ZNF704: variants seen among roughly 807,000 people sequenced by gnomAD.
ZNF704 encodes glucocorticoid induced gene 1.
Under a neutral mutation model 44.7 loss-of-function variants are expected in ZNF704, and 10 were observed. The observed-to-expected ratio is 0.22, with a 90% CI of 0.14 to 0.38. The LOEUF is 0.38. ZNF704 is among the 10% of genes least tolerant of loss of function. ZNF704 has a pLI of 1.00. For synonymous variants in ZNF704, 211 were observed against 207.6 expected (o/e 1.02, Z -0.14); for missense variants, 390 against 545.5 (o/e 0.71, Z 2.84).
At chr8:80,832,010 T>C (rs554344795) in intron 1 of ZNF704, among the ~76,000 whole-genome samples, 8 of 152,372 alleles carry the variant, frequency 5.3e-5, no homozygotes, top group African/African-American at 1.4e-4. Context: ...GCTCTTCATA[T>C]AGTGTATCAC....
intron 1 of ZNF704, among the ~76,000 whole-genome samples, chr8:80,867,625 T>C (rs1809178323): frequency 6.6e-6 from 1 of 152,204 alleles, no homozygotes; most frequent in Non-Finnish European, 1.5e-5. Context: ...CAACTTTGTC[T>C]GGTATCTTAA....
chr8:80,791,753 G>A (rs180840786), intron 2 of ZNF704, among the ~76,000 whole-genome samples: 92 of 152,326 alleles, frequency 6.0e-4, no homozygotes, highest in African/African-American at 2.1e-3. Context: ...AGGGAGCAGG[G>A]AACAGCAAGG....
At chr8:80,725,317 C>A (rs1161965159) in intron 2 of ZNF704, among the ~76,000 whole-genome samples, 1 of 151,986 alleles carries the variant, frequency 6.6e-6, no homozygotes, top group East Asian at 1.9e-4. Flanking sequence ...AAATAACAAA[C>A]AAAATTTTTG....
intron 2 of ZNF704, among the ~76,000 whole-genome samples, chr8:80,787,339 C>T (rs916651519): frequency 6.6e-6 from 1 of 152,172 alleles, no homozygotes; most frequent in Non-Finnish European, 1.5e-5. Flanking sequence ...TGCACACACA[C>T]TCACCTTAAA....
intron 2 of ZNF704, among the ~76,000 whole-genome samples, chr8:80,703,415 A>T (rs1818843780): frequency 1.3e-5 from 2 of 152,130 alleles, no homozygotes; most frequent in South Asian, 4.1e-4. Flanking sequence ...TGCGAAGATC[A>T]GGGCTTAGTC....
chr8:80,642,352 C>T (rs534501179), intron 8 of ZNF704, among the ~76,000 whole-genome samples: 4 of 152,178 alleles, frequency 2.6e-5, no homozygotes, highest in African/African-American at 9.7e-5. Context: ...GAATTCTAGC[C>T]TCACCACTCT....
chr8:80,764,193 T>G (rs977227683), intron 2 of ZNF704, among the ~76,000 whole-genome samples: 2 of 152,222 alleles, frequency 1.3e-5, no homozygotes, highest in African/African-American at 4.8e-5. Context: ...ATTTATTGTA[T>G]TGGTAAATAC....
At chr8:80,733,165 A>G (rs1330876369) in intron 2 of ZNF704, among the ~76,000 whole-genome samples, 1 of 152,130 alleles carries the variant, frequency 6.6e-6, no homozygotes, top group Non-Finnish European at 1.5e-5. Context: ...TTATTTTGGT[A>G]GTTTCAAGCT....
At chr8:80,744,962 C>T (rs1030496130) in intron 2 of ZNF704, among the ~76,000 whole-genome samples, 1 of 152,092 alleles carries the variant, frequency 6.6e-6, no homozygotes, top group African/African-American at 2.4e-5. Flanking sequence ...AGAAATGACA[C>T]TTGTATGCAT....
intron 7 of ZNF704, among the ~76,000 whole-genome samples, chr8:80,658,032 G>T (rs1818043547): frequency 6.6e-6 from 1 of 152,110 alleles, no homozygotes; most frequent in Non-Finnish European, 1.5e-5. Context: ...TAAGAACCAT[G>T]GAGGACATGG....
intron 1 of ZNF704, among the ~76,000 whole-genome samples, chr8:80,841,483 TATC>T (rs779995374): frequency 5.9e-5 from 9 of 152,184 alleles, no homozygotes; most frequent in Non-Finnish European, 1.0e-4. Context: ...TTTCTATTGC[TATC>T]ATCATTTTTC....
At chr8:80,654,992 C>G (rs568340977) in intron 7 of ZNF704, among the ~76,000 whole-genome samples, 46 of 152,266 alleles carry the variant, frequency 3.0e-4, no homozygotes, top group African/African-American at 1.1e-3. Context: ...ACATATACAC[C>G]ATGGAATACT....
At position 80,631,808 on chromosome 8, in the gene ZNF704, G is replaced by A. The variant is rs1817590723; in HGVS notation, c.*9558C>T. 6.6e-6 allele frequency: 1 copy of A among 152,232 alleles called. No individual in the cohort carries two copies. The highest frequency in any genetic ancestry group is 1.5e-5 in the Non-Finnish European group (1 of 68,058). The allele number at this position is 152,232 out of a possible 1,614,324, so 9.4% of individuals were successfully genotyped here. A position where few individuals can be genotyped will look rare whatever the true frequency, so the allele number is the denominator to read the frequency against. On this transcript the variant is annotated 3_prime_UTR_variant, in exon 9 of 9. Transcript: ENST00000327835. ...AGACAGATGGAATATTTCCCCCGAAGGGAGGGAATAGCCACACTGACTGAG... is the reference window on the plus strand; with the variant it reads ...AGACAGATGGAATATTTCCCCCGAAAGGAGGGAATAGCCACACTGACTGAG...
At chr8:80,779,540 T>C (rs1807475102) in intron 2 of ZNF704, among the ~76,000 whole-genome samples, 1 of 151,892 alleles carries the variant, frequency 6.6e-6, no homozygotes, top group Non-Finnish European at 1.5e-5. Flanking sequence ...AAATATTCCA[T>C]AAAAACGACA....
At chr8:80,752,040 G>A (rs921733051) in intron 2 of ZNF704, among the ~76,000 whole-genome samples, 3 of 149,298 alleles carry the variant, frequency 2.0e-5, no homozygotes, top group African/African-American at 7.5e-5. Flanking sequence ...CACCATGCCT[G>A]GCCCCAGTCA....
intron 1 of ZNF704, among the ~76,000 whole-genome samples, chr8:80,842,705 G>A (rs1166424633): frequency 6.6e-6 from 1 of 152,168 alleles, no homozygotes; most frequent in Non-Finnish European, 1.5e-5. Context: ...CCAATGGGGA[G>A]CCATCAGTGT....
At chr8:80,689,601 C>G (rs554713249) in intron 3 of ZNF704, among the ~76,000 whole-genome samples, 13 of 152,254 alleles carry the variant, frequency 8.5e-5, no homozygotes, top group Non-Finnish European at 8.8e-5. Flanking sequence ...GCCCGGGTGG[C>G]TTACAAATAT....
intron 3 of ZNF704, among the ~76,000 whole-genome samples, chr8:80,688,731 G>C (rs2131633147): frequency 6.6e-6 from 1 of 152,310 alleles, no homozygotes; most frequent in South Asian, 2.1e-4. Context: ...CTAATGTGGA[G>C]AGATTTCTGC....
chr8:80,690,783 C>T (rs142463302), intron 3 of ZNF704, among the ~76,000 whole-genome samples: 167 of 152,256 alleles, frequency 1.1e-3, no homozygotes, highest in African/African-American at 3.5e-3. Context: ...CCAAGGCAGG[C>T]GGATCACCTG....
Sources: gnomAD v4.1 joint callset for allele counts (sites outside exome capture counted in the v4.1 genomes callset) on GRCh38, gnomAD v4.1.1 for gene constraint, MANE v1.5 for transcripts, NCBI Gene and HGNC (gene_info 2026-07-23, HGNC 2026-07-21) for gene names.